GAREM1: variants seen among roughly 807,000 people sequenced by gnomAD.
The protein encoded by GAREM1 is GRB2-associated and regulator of MAPK protein 1.
GAREM1 carries 26 observed loss-of-function variants against 71.3 expected under a neutral mutation model. That is an observed-to-expected ratio of 0.36 (90% CI 0.27 to 0.51). GAREM1 has a LOEUF of 0.51. Among genes scored for constraint, GAREM1 ranks in the 20% least tolerant of loss-of-function variants. The pLI is 0.95. For synonymous variants in GAREM1, 440 were observed against 433.2 expected (o/e 1.02, Z -0.20); for missense variants, 1,026 against 1,103.1 (o/e 0.93, Z 0.99).
chr18:32,322,618 A>C (rs2047440630), intron 2 of GAREM1, among the ~76,000 whole-genome samples: 1 of 152,126 alleles, frequency 6.6e-6, no homozygotes, highest in Admixed American at 6.5e-5. Flanking sequence ...CTAACCAGTA[A>C]ACTTTCTAAA....
At chr18:32,323,219 C>T (rs1410103412) in intron 2 of GAREM1, among the ~76,000 whole-genome samples, 2 of 152,154 alleles carry the variant, frequency 1.3e-5, no homozygotes, top group East Asian at 3.9e-4. Flanking sequence ...TAAAGAGAGT[C>T]GGGCATAGGT....
At chr18:32,318,218 A>G (rs1033045120) in intron 2 of GAREM1, among the ~76,000 whole-genome samples, 1 of 152,236 alleles carries the variant, frequency 6.6e-6, no homozygotes, top group African/African-American at 2.4e-5. Flanking sequence ...GATGGAAGCT[A>G]TATTTCATGA....
chr18:32,451,272 T>C (rs939659896), intron 1 of GAREM1, among the ~76,000 whole-genome samples: 4 of 120,142 alleles, frequency 3.3e-5, no homozygotes, highest in Non-Finnish European at 6.4e-5. Flanking sequence ...AGCTAGCTCA[T>C]TTCATCTCAA....
intron 2 of GAREM1, among the ~76,000 whole-genome samples, chr18:32,350,235 T>C (rs974511827): frequency 2.6e-5 from 4 of 152,162 alleles, no homozygotes; most frequent in Non-Finnish European, 5.9e-5. Flanking sequence ...TATATACACA[T>C]GGAGACATGT....
chr18:32,368,258 T>C (rs1288330448), intron 2 of GAREM1, among the ~76,000 whole-genome samples: 1 of 152,164 alleles, frequency 6.6e-6, no homozygotes, highest in African/African-American at 2.4e-5. Context: ...TGTCCTTGAG[T>C]GTAGGGCCAT....
At chr18:32,291,473 C>T (rs1387268534) in intron 3 of GAREM1, among the ~76,000 whole-genome samples, 1 of 151,926 alleles carries the variant, frequency 6.6e-6, no homozygotes, top group African/African-American at 2.4e-5. Context: ...TAATGTGCTA[C>T]ATATTTTAAA....
chr18:32,361,088 A>G (rs2047860817), intron 2 of GAREM1, among the ~76,000 whole-genome samples: 1 of 152,246 alleles, frequency 6.6e-6, no homozygotes, highest in Admixed American at 6.5e-5. Context: ...ATGAAAACGA[A>G]GCACAGTTTT....
chr18:32,319,351 T>G (rs1285395247), intron 2 of GAREM1, among the ~76,000 whole-genome samples: 1 of 152,230 alleles, frequency 6.6e-6, no homozygotes, highest in Non-Finnish European at 1.5e-5. Context: ...AAACACACTC[T>G]TGTATTTTAA....
At chr18:32,393,522 G>A (rs1242944915) in intron 1 of GAREM1, among the ~76,000 whole-genome samples, 1 of 152,080 alleles carries the variant, frequency 6.6e-6, no homozygotes, top group East Asian at 1.9e-4. Flanking sequence ...TCAAAGCTAG[G>A]TCAGATAGAT....
chr18:32,378,057 T>TGTGTGTGTGCGCGC (rs1293817110), intron 2 of GAREM1, among the ~76,000 whole-genome samples: 29 of 127,618 alleles, frequency 2.3e-4, no homozygotes, highest in African/African-American at 7.8e-4. Context: ...TGTGTGTGTG[T>TGTGTGTGTGCGCGC]GCGCGCGGGC....
intron 2 of GAREM1, among the ~76,000 whole-genome samples, chr18:32,363,648 G>A (rs978701941): frequency 2.0e-5 from 3 of 151,998 alleles, no homozygotes; most frequent in African/African-American, 4.8e-5. Flanking sequence ...TGTTAGATTA[G>A]AAAACGTTTA....
At chr18:32,385,101 A>G (rs1192560155) in intron 2 of GAREM1, among the ~76,000 whole-genome samples, 10 of 151,884 alleles carry the variant, frequency 6.6e-5, no homozygotes, top group African/African-American at 2.2e-4. Context: ...GTCTAGAAAG[A>G]TTTCTCAGAT....
chr18:32,389,710 T>A (rs1234905966), intron 2 of GAREM1, among the ~76,000 whole-genome samples: 1 of 152,282 alleles, frequency 6.6e-6, no homozygotes, highest in African/African-American at 2.4e-5. Context: ...ACAAATAAGC[T>A]AGGGAGACAT....
Position 32,304,728 on chromosome 18 carries a change from T to C in GAREM1, c.393+5465A>G, listed in dbSNP as rs75695665. Among the ~76,000 whole-genome samples the C allele has an allele frequency of 9.6e-3, 1,462 of 152,314 alleles. 35 individuals carry two copies. The highest frequency in any genetic ancestry group is 0.088 in the East Asian group (457 of 5,182). On this transcript the variant is annotated intron_variant, in intron 3 of 5. Coordinates refer to ENST00000269209, the MANE Select transcript of GAREM1 (RefSeq NM_001242409.2). Reference sequence around the variant, plus strand: ...ACCTCCATTTTGTAGGTAAAGACACTGTGGGCTCAGGTCTTGTGACCCGCC... The same window carrying C: ...ACCTCCATTTTGTAGGTAAAGACACCGTGGGCTCAGGTCTTGTGACCCGCC...
chr18:32,395,495 G>A (rs2048244102), intron 1 of GAREM1, among the ~76,000 whole-genome samples: 1 of 152,054 alleles, frequency 6.6e-6, no homozygotes, highest in Admixed American at 6.5e-5. Flanking sequence ...ATAGAACAGG[G>A]GACAGTTCAC....
chr18:32,444,199 T>C (rs889954041), intron 1 of GAREM1, among the ~76,000 whole-genome samples: 3 of 152,232 alleles, frequency 2.0e-5, no homozygotes, highest in African/African-American at 7.2e-5. Context: ...ATGGTGATGG[T>C]TGCACAACTC....
intron 1 of GAREM1, among the ~76,000 whole-genome samples, chr18:32,463,518 G>C (rs1219753126): frequency 6.6e-6 from 1 of 151,240 alleles, no homozygotes; most frequent in East Asian, 1.9e-4. Flanking sequence ...CTGGAAGTAA[G>C]TGAAAGTATA....
intron 1 of GAREM1, among the ~76,000 whole-genome samples, chr18:32,436,808 C>A (rs920363402): frequency 1.3e-5 from 2 of 152,164 alleles, no homozygotes; most frequent in African/African-American, 4.8e-5. Context: ...CTGGGAGGTA[C>A]TGAAAGGACA....
chr18:32,300,882 G>T (rs8098071), intron 3 of GAREM1, among the ~76,000 whole-genome samples: 116 of 141,708 alleles, frequency 8.2e-4, no homozygotes, highest in African/African-American at 2.9e-3. Flanking sequence ...CTCCAGCCCG[G>T]GCAACAAGAG....
Sources: allele counts gnomAD v4.1 joint callset (sites outside exome capture counted in the v4.1 genomes callset), GRCh38; gene constraint gnomAD v4.1.1; transcripts MANE v1.5; gene names NCBI Gene and HGNC (gene_info 2026-07-23, HGNC 2026-07-21).